The following CPA6 variants were observed in gnomAD, a reference collection of about 807,000 sequenced individuals.
The protein encoded by CPA6 is carboxypeptidase B.
In CPA6, 58 loss-of-function variants were observed where a neutral mutation model predicts 63.3. The ratio of observed to expected loss-of-function variants is 0.92; its 90% CI spans 0.74 to 1.14. The LOEUF (loss-of-function observed/expected upper bound fraction) is 1.14. Ranked by LOEUF, CPA6 falls within the 50% of genes most tolerant of loss-of-function variation. The pLI, the probability that CPA6 is intolerant of heterozygous loss-of-function variation, is 0.00. For missense variants in CPA6, 565 were observed against 526.6 expected (o/e 1.07, Z -0.71); for synonymous variants, 185 against 179.0 (o/e 1.03, Z -0.27).
At chr8:67,710,405 C>CCT (rs1817232878) in intron 1 of CPA6, among the ~76,000 whole-genome samples, 1 of 135,130 alleles carries the variant, frequency 7.4e-6, no homozygotes, top group South Asian at 2.3e-4. Context: ...CCGCCCCCAC[C>CCT]CCCCCCCAAC....
At chr8:67,522,320 A>G (rs1812276357) in intron 2 of CPA6, among the ~76,000 whole-genome samples, 1 of 152,110 alleles carries the variant, frequency 6.6e-6, no homozygotes, top group Admixed American at 6.5e-5. Flanking sequence ...TCTGGTGTTT[A>G]GAGTTTCCTG....
At chr8:67,550,132 A>G (rs776596747) in intron 2 of CPA6, among the ~76,000 whole-genome samples, 1 of 152,156 alleles carries the variant, frequency 6.6e-6, no homozygotes, top group Non-Finnish European at 1.5e-5. Context: ...GGTATGAATG[A>G]TCCCATCACC....
chr8:67,742,812 C>T (rs748700353), intron 1 of CPA6, among the ~76,000 whole-genome samples: 12 of 152,164 alleles, frequency 7.9e-5, no homozygotes, highest in African/African-American at 1.2e-4. Flanking sequence ...ACTTATGCTA[C>T]GCTGACACAT....
At chr8:67,665,678 T>C (rs546083627) in intron 1 of CPA6, among the ~76,000 whole-genome samples, 1 of 152,358 alleles carries the variant, frequency 6.6e-6, no homozygotes, top group African/African-American at 2.4e-5. Context: ...TCCTTTGTCC[T>C]AGACCTTCCC....
intron 2 of CPA6, among the ~76,000 whole-genome samples, chr8:67,584,713 A>T (rs1813878494): frequency 6.6e-6 from 1 of 152,196 alleles, no homozygotes. Flanking sequence ...TGGTGATGCA[A>T]GTCAGGGATG....
intron 2 of CPA6, among the ~76,000 whole-genome samples, chr8:67,549,929 A>G (rs1812903562): frequency 6.6e-6 from 1 of 152,250 alleles, no homozygotes; most frequent in African/African-American, 2.4e-5. Flanking sequence ...GCTATTGTAA[A>G]TAATGCTGCC....
chr8:67,545,408 T>A (rs1812793136), intron 2 of CPA6, among the ~76,000 whole-genome samples: 2 of 152,144 alleles, frequency 1.3e-5, no homozygotes, highest in Non-Finnish European at 2.9e-5. Flanking sequence ...GGTTCTCAGG[T>A]AGATTCTGTC....
At chr8:67,577,527 G>A (rs1405632532) in intron 2 of CPA6, among the ~76,000 whole-genome samples, 5 of 151,996 alleles carry the variant, frequency 3.3e-5, no homozygotes, top group South Asian at 2.1e-4. Flanking sequence ...TACGCTCTTC[G>A]AAGCGTAAGA....
At chr8:67,472,023 A>G (rs532097155) in intron 8 of CPA6, among the ~76,000 whole-genome samples, 1 of 152,330 alleles carries the variant, frequency 6.6e-6, no homozygotes, top group South Asian at 2.1e-4. Context: ...ATTATCAGAG[A>G]GATGTATTTT....
At chr8:67,596,064 CG>C (rs1284775257) in intron 2 of CPA6, among the ~76,000 whole-genome samples, 1 of 152,174 alleles carries the variant, frequency 6.6e-6, no homozygotes, top group Non-Finnish European at 1.5e-5. Context: ...TGTTTTTAAA[CG>C]TTATCATCTA....
chr8:67,495,202 A>G (rs1024116770), intron 6 of CPA6, among the ~76,000 whole-genome samples: 1 of 152,148 alleles, frequency 6.6e-6, no homozygotes, highest in African/African-American at 2.4e-5. Flanking sequence ...ATGCTCCCCC[A>G]ACTTCAATGA....
chr8:67,693,268 A>T (rs1397010176), intron 1 of CPA6, among the ~76,000 whole-genome samples: 1 of 152,188 alleles, frequency 6.6e-6, no homozygotes, highest in Non-Finnish European at 1.5e-5. Flanking sequence ...GGTTCTCCTC[A>T]TGTAAATGTC....
At chr8:67,555,609 A>T (rs1041334881) in intron 2 of CPA6, among the ~76,000 whole-genome samples, 2 of 152,138 alleles carry the variant, frequency 1.3e-5, no homozygotes, top group Non-Finnish European at 2.9e-5. Flanking sequence ...GAACCTAAGG[A>T]GGGGCTCAGG....
chr8:67,635,423 G>T (rs1378616882), intron 1 of CPA6, among the ~76,000 whole-genome samples: 12 of 151,570 alleles, frequency 7.9e-5, no homozygotes, highest in Admixed American at 7.9e-4. Flanking sequence ...TGCACATATT[G>T]GATGGTCTCA....
intron 2 of CPA6, 24 bp downstream of exon 2, chr8:67,624,152 A>C: frequency 7.4e-7 from 1 of 1,348,248 alleles, no homozygotes; most frequent in Non-Finnish European, 1.1e-6. Context: ...CAATTCTACC[A>C]TAAGTGTGTA....
intron 2 of CPA6, among the ~76,000 whole-genome samples, chr8:67,551,446 A>T (rs2128972865): frequency 6.6e-6 from 1 of 152,330 alleles, no homozygotes; most frequent in Non-Finnish European, 1.5e-5. Flanking sequence ...GTTTGAAATC[A>T]GGTAATGTGA....
chr8:67,724,397 C>T (rs574772199), intron 1 of CPA6, among the ~76,000 whole-genome samples: 50 of 152,302 alleles, frequency 3.3e-4, no homozygotes, highest in African/African-American at 1.0e-3. Context: ...AACTCTGCAG[C>T]GAACTTACAG....
chr8:67,512,499 G>C (rs1812062258), intron 3 of CPA6, among the ~76,000 whole-genome samples: 1 of 152,254 alleles, frequency 6.6e-6, no homozygotes, highest in African/African-American at 2.4e-5. Flanking sequence ...TAAAGGCTGA[G>C]GCCAGGGCGG....
At chr8:67,643,000 C>T (rs1401678370) in intron 1 of CPA6, among the ~76,000 whole-genome samples, 6 of 151,684 alleles carry the variant, frequency 4.0e-5, no homozygotes, top group Admixed American at 3.3e-4. Context: ...GAAAATATTC[C>T]ATAAAGTCAA....
Sources: gnomAD v4.1 joint callset for allele counts (sites outside exome capture counted in the v4.1 genomes callset) on GRCh38, gnomAD v4.1.1 for gene constraint, MANE v1.5 for transcripts, NCBI Gene and HGNC (gene_info 2026-07-23, HGNC 2026-07-21) for gene names.